The following NRXN3 variants were observed in gnomAD, a reference collection of about 807,000 sequenced individuals.
NRXN3 encodes the protein neurexin III.
A neutral mutation model predicts 137.6 loss-of-function variants in NRXN3; 32 were observed. The ratio of observed to expected loss-of-function variants is 0.23; its 90% confidence interval spans 0.18 to 0.31. The LOEUF is 0.31. Ranked by LOEUF, NRXN3 falls within the 10% of genes least tolerant of loss-of-function variation. The pLI is 1.00. For missense variants in NRXN3, 1,574 were observed against 2,062.5 expected (o/e 0.76, Z 4.59); for synonymous variants, 798 against 784.5 (o/e 1.02, Z -0.29).
Position 78,311,368 on chromosome 14 carries a change from A to G in NRXN3, c.757+13508A>G, listed in dbSNP as rs78905019. 1.8e-3 allele frequency among the ~76,000 whole-genome samples: 272 copies of G among 152,304 alleles called. 1 individual carries two copies. The highest frequency in any genetic ancestry group is 3.2e-3 in the Non-Finnish European group (216 of 68,012). ...TTCCTGTGATCCCATTATGCTTTCA[A>G]TAGAGAGGGTCTTTGGGTACCTCCA... On this transcript the variant is annotated intron_variant, in intron 4 of 20. Transcript: ENST00000335750.
At chr14:79,725,603 C>T (rs1369264966) in intron 19 of NRXN3, among the ~76,000 whole-genome samples, 1 of 152,116 alleles carries the variant, frequency 6.6e-6, no homozygotes, top group Non-Finnish European at 1.5e-5. Context: ...CACTGATTTC[C>T]CCATTGACTT....
chr14:78,292,890 C>G (rs2075948666), intron 3 of NRXN3, among the ~76,000 whole-genome samples: 1 of 152,128 alleles, frequency 6.6e-6, no homozygotes, highest in Non-Finnish European at 1.5e-5. Context: ...GGCAGTGTGA[C>G]CTGGGAGATT....
chr14:78,797,402 T>C (rs763832160), intron 8 of NRXN3, among the ~76,000 whole-genome samples: 4 of 152,190 alleles, frequency 2.6e-5, no homozygotes, highest in Non-Finnish European at 4.4e-5. Flanking sequence ...TTGAGTGGGC[T>C]CATATGTTGG....
chr14:78,393,252 G>A (rs1170322416), intron 4 of NRXN3, among the ~76,000 whole-genome samples: 2 of 151,658 alleles, frequency 1.3e-5, no homozygotes, highest in Non-Finnish European at 2.9e-5. Flanking sequence ...ATAAGCAGCT[G>A]TAAGAAATAA....
At chr14:79,082,079 CATATATACACATACTTATATAT>C (rs1362095445) in intron 15 of NRXN3, among the ~76,000 whole-genome samples, 2 of 148,722 alleles carry the variant, frequency 1.3e-5, no homozygotes, top group African/African-American at 4.9e-5. Context: ...TATATATATA[CATATATACACATACTTATATAT>C]ACATACATAA....
chr14:79,279,370 C>T, intron 15 of NRXN3: 1 of 986,080 alleles, frequency 1.0e-6, no homozygotes, highest in Non-Finnish European at 1.2e-6. Context: ...ATTTGGCTCC[C>T]CAACTCCTCG....
chr14:79,859,619 G>T (rs1008476600), intron 20 of NRXN3, among the ~76,000 whole-genome samples: 4 of 152,112 alleles, frequency 2.6e-5, no homozygotes, highest in African/African-American at 9.7e-5. Flanking sequence ...TCCTTGTCTG[G>T]CTTTGTTACT....
At chr14:78,966,744 C>T (rs995343858) in intron 12 of NRXN3, among the ~76,000 whole-genome samples, 3 of 152,168 alleles carry the variant, frequency 2.0e-5, no homozygotes, top group East Asian at 3.8e-4. Flanking sequence ...CTACAACCAC[C>T]CAATTTATAC....
At chr14:79,726,752 C>T (rs1419654897) in intron 19 of NRXN3, among the ~76,000 whole-genome samples, 1 of 152,120 alleles carries the variant, frequency 6.6e-6, no homozygotes, top group African/African-American at 2.4e-5. Flanking sequence ...CTTTTAATTC[C>T]TTGCTGAAAA....
At chr14:79,413,250 C>T (rs1340669822) in intron 15 of NRXN3, among the ~76,000 whole-genome samples, 1 of 152,144 alleles carries the variant, frequency 6.6e-6, no homozygotes, top group Non-Finnish European at 1.5e-5. Context: ...AGTCACCTCT[C>T]TGTAAATCTG....
intron 8 of NRXN3, among the ~76,000 whole-genome samples, chr14:78,785,553 A>G (rs1595847815): frequency 6.6e-6 from 1 of 152,192 alleles, no homozygotes; most frequent in Non-Finnish European, 1.5e-5. Context: ...TATAATTTAC[A>G]ATATACTTTG....
chr14:79,321,839 AC>A (rs2153274988), intron 15 of NRXN3, among the ~76,000 whole-genome samples: 1 of 148,804 alleles, frequency 6.7e-6, no homozygotes, highest in South Asian at 2.1e-4. Flanking sequence ...TGATCAACAT[AC>A]CTATATTATT....
intron 4 of NRXN3, among the ~76,000 whole-genome samples, chr14:78,388,082 G>A (rs2090235738): frequency 6.6e-6 from 1 of 152,156 alleles, no homozygotes; most frequent in African/African-American, 2.4e-5. Flanking sequence ...GTCAGCCCCA[G>A]ACCAGATACT....
chr14:79,526,274 C>T (rs1328499341), intron 16 of NRXN3, among the ~76,000 whole-genome samples: 1 of 151,834 alleles, frequency 6.6e-6, no homozygotes, highest in Non-Finnish European at 1.5e-5. Context: ...CTCAACCTCG[C>T]AACCTCAGGT....
intron 15 of NRXN3, among the ~76,000 whole-genome samples, chr14:78,993,525 G>T (rs567540526): frequency 2.0e-5 from 3 of 152,128 alleles, no homozygotes; most frequent in African/African-American, 7.2e-5. Context: ...CCTGCCCAGC[G>T]AATAGGCCAT....
In NRXN3 at chr14:78,645,374, A is replaced by T; in HGVS notation, c.1012A>T (p.Asn338Tyr). The T allele has an allele frequency of 6.3e-7, 1 of 1,597,650 alleles. No homozygotes were observed. Among genetic ancestry groups the T allele is most frequent in the Non-Finnish European group, 8.5e-7 (1 of 1,178,758 alleles). ...TGTGGAGCCAGTGAATGGAAAATTC[A>T]ACGACAACGCCTGGCATGATGTCAA... Reference protein sequence around the residue: ...AIVEPVNGKFNDNAWHDVKVT... With the variant: ...AIVEPVNGKFYDNAWHDVKVT... The change falls in exon 5 of 21, where the codon AAC (asparagine) becomes TAC (tyrosine). Residue 338 changes from asparagine (N) to tyrosine (Y), a missense_variant. Asn to Tyr is a moderately radical substitution (Grantham distance 143). Coordinates refer to ENST00000335750, the MANE Select transcript of NRXN3 (RefSeq NM_001330195.2).
At position 78,775,720 on chromosome 14, in the gene NRXN3, T is replaced by C. The variant is rs930818310; in HGVS notation, c.2045-27900T>C. ...TTCTCTTTTTAATTTGAAGACATGT[T>C]CCTTTCTTTAGGTATTTCTCAATTT... On this transcript the variant is annotated intron_variant, in intron 8 of 20. Transcript: ENST00000335750. Among the ~76,000 whole-genome samples the C allele has an allele frequency of 2.6e-5, 4 of 152,352 alleles. No homozygotes were observed. In the East Asian group the frequency reaches 7.7e-4, roughly 29 times the overall value.
At chr14:79,425,894 C>T (rs973223662) in intron 15 of NRXN3, among the ~76,000 whole-genome samples, 3 of 151,826 alleles carry the variant, frequency 2.0e-5, no homozygotes, top group African/African-American at 4.8e-5. Flanking sequence ...TTCCAGGCTA[C>T]TTGTTTGTTT....
chr14:79,057,958 C>T (rs1023314227), intron 15 of NRXN3, among the ~76,000 whole-genome samples: 35 of 151,744 alleles, frequency 2.3e-4, no homozygotes, highest in African/African-American at 1.7e-4. Flanking sequence ...AAGCAAGGTA[C>T]GGAATGAGGC....
Sources: allele counts gnomAD v4.1 joint callset (sites outside exome capture counted in the v4.1 genomes callset), GRCh38; gene constraint gnomAD v4.1.1; transcripts MANE v1.5; gene names NCBI Gene and HGNC (gene_info 2026-07-23, HGNC 2026-07-21).